Variants in EIF2S2 observed in about 807,000 individuals in gnomAD.
EIF2S2 encodes eukaryotic translation initiation factor 2 subunit 2.
Under a neutral mutation model 44.0 loss-of-function variants are expected in EIF2S2, and 4 were observed. The ratio of observed to expected loss-of-function variants is 0.09; its 90% CI spans 0.04 to 0.21. The LOEUF is 0.21. Among genes scored for constraint, EIF2S2 ranks in the 10% least tolerant of loss-of-function variants. EIF2S2 has a pLI of 1.00. For missense variants in EIF2S2, 154 were observed against 392.0 expected (o/e 0.39, Z 5.13); for synonymous variants, 108 against 128.3 (o/e 0.84, Z 1.07).
intron 1 of EIF2S2, among the ~76,000 whole-genome samples, chr20:34,107,372 C>G (rs1376007602): frequency 6.6e-6 from 1 of 152,116 alleles, no homozygotes; most frequent in Non-Finnish European, 1.5e-5. Flanking sequence ...GTCTGGAGCC[C>G]ATCTGACTAG....
intron 7 of EIF2S2, among the ~76,000 whole-genome samples, chr20:34,091,221 T>G (rs2034158505): frequency 6.6e-6 from 1 of 152,202 alleles, no homozygotes; most frequent in Non-Finnish European, 1.5e-5. Flanking sequence ...AAAAAATCTT[T>G]TACTGCATCA....
At chr20:34,102,578 C>A (rs986442167) in intron 3 of EIF2S2, among the ~76,000 whole-genome samples, 4 of 152,140 alleles carry the variant, frequency 2.6e-5, no homozygotes, top group African/African-American at 9.7e-5. Flanking sequence ...GTATACATTT[C>A]CTGCTACATG....
In EIF2S2 at chr20:34,090,289, A is replaced by G. The variant is rs114440987; in HGVS notation, c.826+228T>C. Among the ~76,000 whole-genome samples, 314 of 152,360 alleles carry G rather than the reference A, an allele frequency of 2.1e-3. 1 individual carries two copies. Among genetic ancestry groups the G allele is most frequent in the African/African-American group, 6.9e-3 (286 of 41,586 alleles). On this transcript the variant is annotated intron_variant, in intron 8 of 8. Transcript: ENST00000374980. ...CTCTGACTTGGCCTTCAGCCCTACA[A>G]TCAACCAGCAGCTTCAATCAGCTGG...
At chr20:34,110,508 T>A (rs2034400868) in intron 1 of EIF2S2, among the ~76,000 whole-genome samples, 1 of 152,192 alleles carries the variant, frequency 6.6e-6, no homozygotes, top group Non-Finnish European at 1.5e-5. Context: ...CACCCCTAAG[T>A]GGCCAAACTA....
chr20:34,102,374 T>C (rs2034304718), intron 3 of EIF2S2, among the ~76,000 whole-genome samples: 1 of 152,226 alleles, frequency 6.6e-6, no homozygotes, highest in Non-Finnish European at 1.5e-5. Context: ...TAAAACCAGC[T>C]TGTTCTCAAG....
chr20:34,106,223 G>A (rs549529009), intron 1 of EIF2S2, among the ~76,000 whole-genome samples: 5 of 151,782 alleles, frequency 3.3e-5, no homozygotes, highest in Admixed American at 3.3e-4. Flanking sequence ...CCTGGCCAGG[G>A]GTATCAATGT....
In EIF2S2 at chr20:34,088,792, T is replaced by G. The variant is rs567319187; in HGVS notation, c.*938A>C. On this transcript the variant is annotated 3_prime_UTR_variant, in exon 9 of 9. Coordinates refer to ENST00000374980, the MANE Select transcript of EIF2S2 (RefSeq NM_003908.5). Reference sequence around the variant, plus strand: ...CACACAAGCAGCATTTCTTGGTTTCTCATGGTCATATTCAAAAGCGACTTT... The same window carrying G: ...CACACAAGCAGCATTTCTTGGTTTCGCATGGTCATATTCAAAAGCGACTTT... The G allele has an allele frequency of 6.6e-6, 1 of 152,338 alleles. No individual in the cohort carries two copies. The highest frequency in any genetic ancestry group is 1.5e-5 in the Non-Finnish European group (1 of 68,014). 9.4% of individuals were successfully genotyped at this position (152,338 alleles called of 1,614,324 possible).
Position 34,095,295 on chromosome 20 carries a change from A to G in EIF2S2, c.683+1362T>C, listed in dbSNP as rs539246784. Among the ~76,000 whole-genome samples, 12 of 149,826 alleles carry G rather than the reference A, an allele frequency of 8.0e-5. No individual in the cohort carries two copies. The East Asian group carries it at 2.0e-3, about 25-fold the overall frequency. Reference sequence around the variant, plus strand: ...CTAAACAGAAAAATATTAAACTATGATAAGTTAGCTACCTCTTTTTTTTTT... The same window carrying G: ...CTAAACAGAAAAATATTAAACTATGGTAAGTTAGCTACCTCTTTTTTTTTT... On this transcript the variant is annotated intron_variant, in intron 6 of 8. Transcript: ENST00000374980.
chr20:34,105,765 T>C (rs1375191996), intron 1 of EIF2S2, among the ~76,000 whole-genome samples: 2 of 152,354 alleles, frequency 1.3e-5, no homozygotes, highest in East Asian at 1.9e-4. Context: ...ATCTTTCAAT[T>C]TGTAAAGTAT....
chr20:34,092,538 G>T (rs1234764699), intron 7 of EIF2S2, among the ~76,000 whole-genome samples: 1 of 152,102 alleles, frequency 6.6e-6, no homozygotes, highest in Admixed American at 6.6e-5. Flanking sequence ...CGTGGTGGCG[G>T]GCGCCTGTAG....
At chr20:34,109,940 A>G (rs529304268) in intron 1 of EIF2S2, among the ~76,000 whole-genome samples, 2 of 148,462 alleles carry the variant, frequency 1.3e-5, no homozygotes, top group South Asian at 2.1e-4. Flanking sequence ...CTAAAAATAC[A>G]AAAAAAAAAT....
intron 1 of EIF2S2, among the ~76,000 whole-genome samples, chr20:34,108,745 T>C (rs1236930549): frequency 2.0e-5 from 3 of 152,148 alleles, no homozygotes; most frequent in Admixed American, 2.0e-4. Flanking sequence ...CTGATGCTCA[T>C]CAAATTAGAA....
chr20:34,112,055 C>T (rs756421519), intron 1 of EIF2S2, 41 bp downstream of exon 1: 41 of 1,459,762 alleles, frequency 2.8e-5, no homozygotes, highest in Non-Finnish European at 2.5e-5. Context: ...TTAGGCTTCT[C>T]GCCTCAATCC....
intron 3 of EIF2S2, among the ~76,000 whole-genome samples, chr20:34,099,957 G>A (rs369925546): frequency 3.9e-5 from 6 of 152,158 alleles, no homozygotes; most frequent in African/African-American, 1.2e-4. Context: ...TTAGCTCTCC[G>A]AACCCATGTC....
Position 34,105,544 on chromosome 20 carries a change from A to G in EIF2S2, c.17T>C (p.Met6Thr), listed in dbSNP as rs759148189. 6.4e-7 allele frequency: 1 copy of G among 1,564,120 alleles called. No individual in the cohort carries two copies. The highest frequency in any genetic ancestry group is 8.6e-7 in the Non-Finnish European group (1 of 1,159,538). The change falls in exon 2 of 9, where the codon ATG becomes ACG. Residue 6 changes from methionine to threonine, a missense_variant and splice_region_variant. Coordinates refer to ENST00000374980, the MANE Select transcript of EIF2S2 (RefSeq NM_003908.5). Reference sequence around the variant, plus strand: ...CTTGCTCATAGTAGGATCAAAAATCATCTGTTTAAAAGACAAAAAACAAAA... The same window carrying G: ...CTTGCTCATAGTAGGATCAAAAATCGTCTGTTTAAAAGACAAAAAACAAAA... MSGDE[M>T]IFDPTMSKKK...
At chr20:34,110,097 A>G (rs1423083797) in intron 1 of EIF2S2, among the ~76,000 whole-genome samples, 1 of 1,674 alleles carries the variant, frequency 6.0e-4, no homozygotes. Context: ...ATTCCATCTC[A>G]AAAAAAAAAA....
At chr20:34,091,808 T>C (rs2034168950) in intron 7 of EIF2S2, among the ~76,000 whole-genome samples, 1 of 142,106 alleles carries the variant, frequency 7.0e-6, no homozygotes, top group African/African-American at 2.6e-5. Flanking sequence ...GGAGGTTTAA[T>C]AGGCAAAAGA....
Position 34,105,466 on chromosome 20 carries a change from T to C in EIF2S2, c.95A>G (p.Gln32Arg). Residue 32 changes from glutamine (Q) to arginine (R), a missense_variant, in exon 2 of 9, where the codon CAA becomes CGA. This residue lies in a region of EIF2S2 where 134 missense variants were observed against 225.0 expected (regional missense o/e 0.60). Coordinates refer to ENST00000374980, the MANE Select transcript of EIF2S2 (RefSeq NM_003908.5). ...TTCTGAAGGCTGGGTTTCCTCTGTT[T>C]GGGTATCCCCTTCCTCATCTAACAT... The part of the protein sequence containing the change: ...PFMLDEEGDT[Q>R]TEETQPSETK... 1 of 1,614,152 alleles carries C rather than the reference T, an allele frequency of 6.2e-7. No homozygotes were observed. The highest frequency in any genetic ancestry group is 1.1e-5 in the South Asian group (1 of 91,076).
intron 1 of EIF2S2, among the ~76,000 whole-genome samples, chr20:34,107,237 A>G (rs2122436320): frequency 6.6e-6 from 1 of 152,290 alleles, no homozygotes; most frequent in East Asian, 1.9e-4. Context: ...TCAAATCCCA[A>G]GTATTTTTTT....
Sources: gnomAD v4.1 joint callset for allele counts (sites outside exome capture counted in the v4.1 genomes callset) on GRCh38, gnomAD v4.1.1 for gene constraint, gnomAD v4.1.1 regional missense constraint, MANE v1.5 for transcripts, NCBI Gene and HGNC (gene_info 2026-07-23, HGNC 2026-07-21) for gene names.